Variants in GORASP2 observed in about 807,000 individuals in gnomAD.
GORASP2 encodes golgi reassembly stacking protein 2.
GORASP2 carries 22 observed loss-of-function variants against 45.7 expected under a neutral mutation model. The ratio of observed to expected loss-of-function variants is 0.48; its 90% CI spans 0.34 to 0.69. The LOEUF (loss-of-function observed/expected upper bound fraction) is 0.69, where lower values mean the gene tolerates loss of function less well. Ranked by LOEUF, GORASP2 falls within the 30% of genes least tolerant of loss-of-function variation. The pLI is 0.01. For synonymous variants in GORASP2, 221 were observed against 215.6 expected (o/e 1.02, Z -0.22); for missense variants, 491 against 562.7 (o/e 0.87, Z 1.29).
Position 170,962,866 on chromosome 2 carries a change from C to T in GORASP2, c.938C>T (p.Pro313Leu). The T allele has an allele frequency of 6.2e-7, 1 of 1,613,840 alleles. No individual in the cohort carries two copies. The highest frequency in any genetic ancestry group is 8.5e-7 in the Non-Finnish European group (1 of 1,179,852). Residue 313 changes from proline (P) to leucine (L), a missense_variant, in exon 9 of 10, where the codon CCC becomes CTC. By Grantham distance (98) the Pro-to-Leu change is moderately conservative. This residue lies in a region of GORASP2 where 297 missense variants were observed against 292.3 expected (regional missense o/e 1.02). Coordinates refer to ENST00000234160, the MANE Select transcript of GORASP2 (RefSeq NM_015530.5). ...PGLMPLPAGLPNLPNLNLNLP... is the reference protein window; with the variant it reads ...PGLMPLPAGLLNLPNLNLNLP... ...CTGATGCCTTTACCAGCAGGACTGC[C>T]CAACCTCCCCAACCTCAACCTCAAC...
At chr2:170,950,436 A>G (rs1704273969) in intron 4 of GORASP2, 146 bp downstream of exon 4, 1 of 508,518 alleles carries the variant, frequency 2.0e-6, no homozygotes, top group East Asian at 3.5e-5. Flanking sequence ...AGGGTGTTAA[A>G]TGGAACATCT....
chr2:170,960,831 C>T (rs1451971275), intron 7 of GORASP2, among the ~76,000 whole-genome samples: 1 of 152,156 alleles, frequency 6.6e-6, no homozygotes, highest in Non-Finnish European at 1.5e-5. Context: ...AATAGACTGC[C>T]TGCATGGTTG....
chr2:170,941,682 T>C (rs1234662206), intron 1 of GORASP2, among the ~76,000 whole-genome samples: 2 of 152,218 alleles, frequency 1.3e-5, no homozygotes, highest in African/African-American at 4.8e-5. Context: ...GATTTATTCA[T>C]GTATATTATT....
In GORASP2 at chr2:170,956,574, A is replaced by G. The variant is rs1362707892; in HGVS notation, c.823+15A>G. The G allele has an allele frequency of 1.3e-6, 2 of 1,588,760 alleles. No homozygotes were observed. Among genetic ancestry groups the G allele is most frequent in the African/African-American group, 1.4e-5 (1 of 73,384 alleles). ...TCTCAGTACAGGTGTGCAGAAAAATATATTCTGTTTTCAGTCTATTTTATG... is the reference window on the plus strand; with the variant it reads ...TCTCAGTACAGGTGTGCAGAAAAATGTATTCTGTTTTCAGTCTATTTTATG... On this transcript the variant is annotated intron_variant, in intron 7 of 9. Coordinates refer to ENST00000234160, the MANE Select transcript of GORASP2 (RefSeq NM_015530.5).
chr2:170,929,361 C>G lies in GORASP2; in HGVS notation c.21C>G (p.Val7=), dbSNP rs757621534. 3 of 1,404,958 alleles carry G rather than the reference C, an allele frequency of 2.1e-6. No individual in the cohort carries two copies. Among genetic ancestry groups the G allele is most frequent in the Middle Eastern group, 2.2e-4 (1 of 4,494 alleles). 87.0% of individuals were successfully genotyped at this position (1,404,958 alleles called of 1,614,324 possible). A position where few individuals can be genotyped will look rare whatever the true frequency, so the allele number is the denominator to read the frequency against. The change falls in exon 1 of 10, where the codon GTC becomes GTG. Residue 7 remains valine (V), a synonymous_variant. Coordinates refer to ENST00000234160, the MANE Select transcript of GORASP2 (RefSeq NM_015530.5). MGSSQS[V]EIPGGGTEGY... is the part of the protein sequence containing the mutation. ...CCGCCATGGGCTCCTCGCAAAGCGT[C>G]GAGATCCCGGGCGGGGGCACCGAGG... is the stretch of plus-strand genomic sequence containing the variant.
At chr2:170,929,489 C>T (rs1439722756) in intron 1 of GORASP2, 86 bp downstream of exon 1, 9 of 1,069,424 alleles carry the variant, frequency 8.4e-6, no homozygotes, top group Middle Eastern at 3.3e-4. Context: ...GGCTCCTTCA[C>T]GGGGCAGCCA....
upstream of GORASP2, chr2:170,928,962 A>C (rs959948930): frequency 2.6e-5 from 5 of 189,726 alleles, no homozygotes; most frequent in Non-Finnish European, 3.2e-5. Context: ...GTGTTCTTTC[A>C]GGCGAGCGGG....
chr2:170,943,828 A>G (rs755077855), intron 1 of GORASP2, among the ~76,000 whole-genome samples: 5 of 152,062 alleles, frequency 3.3e-5, no homozygotes, highest in Admixed American at 2.6e-4. Context: ...AATTGCCACT[A>G]TGCCTGGCTA....
intron 7 of GORASP2, among the ~76,000 whole-genome samples, chr2:170,956,781 G>C (rs1369202154): frequency 6.6e-6 from 1 of 152,052 alleles, no homozygotes; most frequent in Non-Finnish European, 1.5e-5. Flanking sequence ...AGGTGTGGTG[G>C]TGTGCACCTG....
At chr2:170,938,543 T>C (rs1704005848) in intron 1 of GORASP2, among the ~76,000 whole-genome samples, 1 of 152,248 alleles carries the variant, frequency 6.6e-6, no homozygotes, top group Non-Finnish European at 1.5e-5. Context: ...ACAGTGTTAC[T>C]ACACACATTA....
intron 1 of GORASP2, among the ~76,000 whole-genome samples, chr2:170,946,170 C>T (rs1213651478): frequency 6.6e-6 from 1 of 152,072 alleles, no homozygotes; most frequent in Non-Finnish European, 1.5e-5. Context: ...TACCCCCATA[C>T]CTGGCTAATT....
Position 170,929,418 on chromosome 2 carries a change from G to T in GORASP2, c.63+15G>T. ...ACGTTCTGCGGGTAAGGGCTCCGACGGCGGCCGGGGAGCTGCGGGCTGGAG... is the reference window on the plus strand; with the variant it reads ...ACGTTCTGCGGGTAAGGGCTCCGACTGCGGCCGGGGAGCTGCGGGCTGGAG... On this transcript the variant is annotated intron_variant, in intron 1 of 9. Coordinates refer to ENST00000234160, the MANE Select transcript of GORASP2 (RefSeq NM_015530.5). The T allele has an allele frequency of 1.5e-6, 2 of 1,370,760 alleles. No individual in the cohort carries two copies. Among genetic ancestry groups the T allele is most frequent in the African/African-American group, 1.5e-5 (1 of 66,092 alleles). 84.9% of individuals were successfully genotyped at this position (1,370,760 alleles called of 1,614,324 possible).
intron 5 of GORASP2, among the ~76,000 whole-genome samples, chr2:170,953,203 A>G (rs540907513): frequency 6.6e-6 from 1 of 152,132 alleles, no homozygotes. Context: ...AAAAAATACA[A>G]AAATTAGCCA....
chr2:170,957,452 A>G (rs1261597232), intron 7 of GORASP2, among the ~76,000 whole-genome samples: 3 of 151,992 alleles, frequency 2.0e-5, no homozygotes, highest in African/African-American at 7.3e-5. Context: ...CAATTTTTGT[A>G]TTTTTAGTAG....
rs149164498 is a variant in GORASP2 at position 170,965,067 on chromosome 2, C to T, written c.1019-723C>T. 9.8e-4 allele frequency among the ~76,000 whole-genome samples: 148 copies of T among 151,614 alleles called. 1 individual carries two copies. Among genetic ancestry groups the T allele is most frequent in the East Asian group, 9.0e-3 (46 of 5,130 alleles). ...CTGGGACCACAGGTGTGTGCCACCA[C>T]GCCCGGCTAATTTTTGTACTTTTTT... On this transcript the variant is annotated intron_variant, in intron 9 of 9. Coordinates refer to ENST00000234160, the MANE Select transcript of GORASP2 (RefSeq NM_015530.5).
At chr2:170,929,484 C>T in intron 1 of GORASP2, 81 bp downstream of exon 1, 1 of 1,083,274 alleles carries the variant, frequency 9.2e-7, no homozygotes, top group Non-Finnish European at 1.2e-6. Flanking sequence ...CCATGGGCTC[C>T]TTCACGGGGC....
At chr2:170,961,877 G>T in intron 8 of GORASP2, 128 bp downstream of exon 8, 1 of 695,366 alleles carries the variant, frequency 1.4e-6, no homozygotes. Flanking sequence ...GTTTATCTCT[G>T]CAATAAGTTT....
chr2:170,954,930 AAT>A (rs774316652), intron 6 of GORASP2, 148 bp downstream of exon 6: 5 of 620,026 alleles, frequency 8.1e-6, no homozygotes, highest in Non-Finnish European at 1.4e-5. Context: ...GTTCCTGTAA[AAT>A]ACCTAGATAG....
chr2:170,929,436 G>T (rs1703758809), intron 1 of GORASP2, 33 bp downstream of exon 1: 7 of 1,341,302 alleles, frequency 5.2e-6, no homozygotes, highest in Non-Finnish European at 4.8e-6. Context: ...GGGAGCTGCG[G>T]GCTGGAGGCG....
Sources: allele counts gnomAD v4.1 joint callset (sites outside exome capture counted in the v4.1 genomes callset), GRCh38; gene constraint gnomAD v4.1.1; regional missense constraint gnomAD v4.1.1; transcripts MANE v1.5; gene names NCBI Gene and HGNC (gene_info 2026-07-23, HGNC 2026-07-21).